Variants in MGMT observed in about 807,000 individuals in gnomAD.
MGMT encodes methylated-DNA--protein-cysteine methyltransferase.
A neutral mutation model predicts 15.9 loss-of-function variants in MGMT; 14 were observed. That is an observed-to-expected ratio of 0.88 (90% confidence interval 0.58 to 1.37). The LOEUF is 1.37. Ranked by LOEUF, MGMT falls within the 40% of genes most tolerant of loss-of-function variation. The probability of loss-of-function intolerance (pLI) is 0.00; values close to 1 mark genes in which losing one functional copy is unlikely to be tolerated. For synonymous variants in MGMT, 130 were observed against 118.2 expected, an observed-to-expected ratio of 1.10 and a Z score of -0.65; for missense variants, 282 against 268.1, an observed-to-expected ratio of 1.05 and a Z score of -0.36.
At chr10:129,653,637 C>T (rs2133099652) in intron 2 of MGMT, among the ~76,000 whole-genome samples, 1 of 152,338 alleles carries the variant, frequency 6.6e-6, no homozygotes, top group Non-Finnish European at 1.5e-5. Flanking sequence ...ACTGGCCCAC[C>T]CTATGAGATG....
At position 129,504,579 on chromosome 10, in the gene MGMT, A is replaced by G. The variant is rs192824203; in HGVS notation, c.-12-31662A>G. Among the ~76,000 whole-genome samples the G allele has an allele frequency of 7.0e-3, 1,062 of 152,334 alleles. 11 individuals carry two copies. Among genetic ancestry groups the G allele is most frequent in the African/African-American group, 0.023 (970 of 41,580 alleles). On this transcript the variant is annotated intron_variant, in intron 1 of 4. Coordinates refer to ENST00000651593, the MANE Select transcript of MGMT (RefSeq NM_002412.5). ...CTTGATTCCCCCCTTTTAAATGTCGATAGCTCCCACAACCATTGTGACAAC... is the reference window on the plus strand; with the variant it reads ...CTTGATTCCCCCCTTTTAAATGTCGGTAGCTCCCACAACCATTGTGACAAC...
chr10:129,613,649 A>G (rs1262919355), intron 2 of MGMT, among the ~76,000 whole-genome samples: 1 of 152,246 alleles, frequency 6.6e-6, no homozygotes, highest in African/African-American at 2.4e-5. Flanking sequence ...TTTAATAAAA[A>G]GGTCTAAAAC....
intron 1 of MGMT, among the ~76,000 whole-genome samples, chr10:129,493,092 T>G (rs1037322424): frequency 4.6e-5 from 7 of 152,200 alleles, no homozygotes; most frequent in African/African-American, 1.7e-4. Context: ...CACGGGACCT[T>G]GTTTGATGAC....
At chr10:129,660,376 A>G (rs1037286749) in intron 2 of MGMT, among the ~76,000 whole-genome samples, 1 of 152,134 alleles carries the variant, frequency 6.6e-6, no homozygotes, top group African/African-American at 2.4e-5. Flanking sequence ...TCAGAGGCTA[A>G]GGTGTGGGGG....
chr10:129,714,116 GCC>G (rs1848265275), intron 3 of MGMT, among the ~76,000 whole-genome samples: 1 of 152,238 alleles, frequency 6.6e-6, no homozygotes, highest in Non-Finnish European at 1.5e-5. Flanking sequence ...TGCCCGCAGA[GCC>G]CCTAGGCGCC....
chr10:129,536,932 G>A (rs1845991243), intron 2 of MGMT: 2 of 152,280 alleles, frequency 1.3e-5, no homozygotes, highest in South Asian at 4.1e-4. Flanking sequence ...CCAGGGGGAA[G>A]GGCCCGAAAG....
chr10:129,578,857 T>C (rs1258850932), intron 2 of MGMT, among the ~76,000 whole-genome samples: 1 of 152,226 alleles, frequency 6.6e-6, no homozygotes, highest in African/African-American at 2.4e-5. Flanking sequence ...CAAATAGTTT[T>C]AAAAGTCTCT....
intron 3 of MGMT, among the ~76,000 whole-genome samples, chr10:129,730,220 A>G (rs1318015190): frequency 6.6e-6 from 1 of 152,164 alleles, no homozygotes; most frequent in Non-Finnish European, 1.5e-5. Flanking sequence ...CGCATTGAGC[A>G]TGAAATGGCG....
intron 1 of MGMT, among the ~76,000 whole-genome samples, chr10:129,469,590 C>G (rs1392597581): frequency 6.6e-6 from 1 of 152,214 alleles, no homozygotes. Context: ...CCTGCAGGGC[C>G]CTGTGCTCAT....
At chr10:129,679,511 A>G (rs1364481682) in intron 2 of MGMT, among the ~76,000 whole-genome samples, 1 of 152,216 alleles carries the variant, frequency 6.6e-6, no homozygotes, top group Non-Finnish European at 1.5e-5. Flanking sequence ...GTATGTTTCA[A>G]TGGAAATGTA....
intron 2 of MGMT, among the ~76,000 whole-genome samples, chr10:129,698,286 A>T (rs1378404092): frequency 6.6e-6 from 1 of 152,198 alleles, no homozygotes; most frequent in Non-Finnish European, 1.5e-5. Context: ...GCGGTTGACC[A>T]GATGCCCCAT....
chr10:129,486,618 ACTTT>A (rs1354642873), intron 1 of MGMT, among the ~76,000 whole-genome samples: 1 of 152,168 alleles, frequency 6.6e-6, no homozygotes, highest in Non-Finnish European at 1.5e-5. Flanking sequence ...ACCTTAACTG[ACTTT>A]CTGTTAAGAA....
At chr10:129,474,941 C>A (rs1384748665) in intron 1 of MGMT, among the ~76,000 whole-genome samples, 1 of 151,984 alleles carries the variant, frequency 6.6e-6, no homozygotes, top group East Asian at 1.9e-4. Context: ...CACACCCATA[C>A]ATTTTGTAGG....
chr10:129,730,807 A>T (rs1041755256), intron 3 of MGMT, among the ~76,000 whole-genome samples: 1 of 152,140 alleles, frequency 6.6e-6, no homozygotes, highest in African/African-American at 2.4e-5. Flanking sequence ...GCTGAATGAC[A>T]ATTATTTGAA....
At chr10:129,517,942 A>C (rs55750811) in intron 1 of MGMT, among the ~76,000 whole-genome samples, 22,865 of 152,168 alleles carry the variant, frequency 0.15, 2,594 homozygotes, top group African/African-American at 0.32. Flanking sequence ...CCGCAGTGAG[A>C]ATATGCGAAT....
At chr10:129,548,825 C>G (rs893941994) in intron 2 of MGMT, among the ~76,000 whole-genome samples, 2 of 152,110 alleles carry the variant, frequency 1.3e-5, no homozygotes, top group African/African-American at 4.8e-5. Flanking sequence ...GAGACCAGGC[C>G]AGGGGAGGAG....
chr10:129,593,348 G>A (rs1253597361), intron 2 of MGMT, among the ~76,000 whole-genome samples: 3 of 152,196 alleles, frequency 2.0e-5, no homozygotes, highest in Admixed American at 6.5e-5. Context: ...AGTTTGGGAT[G>A]CCCCTGTGTT....
At chr10:129,539,739 C>A (rs1374874298) in intron 2 of MGMT, among the ~76,000 whole-genome samples, 1 of 152,188 alleles carries the variant, frequency 6.6e-6, no homozygotes, top group South Asian at 2.1e-4. Flanking sequence ...ATCTCCTGAC[C>A]TCGTGATCCA....
intron 2 of MGMT, among the ~76,000 whole-genome samples, chr10:129,565,171 G>A (rs893958291): frequency 2.0e-5 from 3 of 152,118 alleles, no homozygotes; most frequent in Admixed American, 6.5e-5. Context: ...GGCCCGGCGC[G>A]AAAACAGCTT....
Sources: gnomAD v4.1 joint callset for allele counts (sites outside exome capture counted in the v4.1 genomes callset) on GRCh38, gnomAD v4.1.1 for gene constraint, MANE v1.5 for transcripts, NCBI Gene and HGNC (gene_info 2026-07-23, HGNC 2026-07-21) for gene names.